SEPTIN7: variants seen among roughly 807,000 people sequenced by gnomAD.
SEPTIN7 encodes septin 7.
In SEPTIN7, 10 loss-of-function variants were observed where a neutral mutation model predicts 63.3. The ratio of observed to expected loss-of-function variants is 0.16; its 90% CI spans 0.10 to 0.27. SEPTIN7 has a LOEUF of 0.27. SEPTIN7 is among the 10% of genes least tolerant of loss of function. The pLI is 1.00. For missense variants in SEPTIN7, 310 were observed against 521.0 expected (o/e 0.59, Z 3.94); for synonymous variants, 131 against 165.3 (o/e 0.79, Z 1.59).
intron 1 of SEPTIN7, among the ~76,000 whole-genome samples, chr7:35,814,417 A>G (rs1459393912): frequency 6.6e-6 from 1 of 152,168 alleles, no homozygotes; most frequent in African/African-American, 2.4e-5. Flanking sequence ...TCTGTTTGTC[A>G]CCTTTGGTGG....
At chr7:35,847,332 C>A in intron 3 of SEPTIN7, 1 of 162,770 alleles carries the variant, frequency 6.1e-6, no homozygotes, top group Admixed American at 6.1e-5. Context: ...GCTTCAAGGG[C>A]CCCAGCATCC....
the SEPTIN7 span, among the ~76,000 whole-genome samples, chr7:35,915,133 A>G: frequency 1.5e-5 from 2 of 133,078 alleles, no homozygotes; most frequent in Non-Finnish European, 1.7e-5. Flanking sequence ...GTATATATAC[A>G]TGCATATACA....
intron 1 of SEPTIN7, among the ~76,000 whole-genome samples, chr7:35,801,738 C>T (rs1787995265): frequency 6.6e-6 from 1 of 151,822 alleles, no homozygotes; most frequent in Non-Finnish European, 1.5e-5. Flanking sequence ...AGGGTGGGGA[C>T]GAGTGTGAAC....
At chr7:35,817,690 A>G (rs1214707850) in intron 1 of SEPTIN7, among the ~76,000 whole-genome samples, 1 of 152,040 alleles carries the variant, frequency 6.6e-6, no homozygotes, top group East Asian at 1.9e-4. Flanking sequence ...TCTTCTGTTT[A>G]TTTAGGTCTT....
chr7:35,812,839 T>C (rs532734407), intron 1 of SEPTIN7, among the ~76,000 whole-genome samples: 17 of 152,338 alleles, frequency 1.1e-4, no homozygotes, highest in African/African-American at 4.1e-4. Flanking sequence ...ATGTCTATTA[T>C]TTATAGTATT....
At chr7:35,832,980 C>G in intron 3 of SEPTIN7, 80 bp downstream of exon 3, 2 of 810,530 alleles carry the variant, frequency 2.5e-6, no homozygotes, top group Non-Finnish European at 4.3e-6. Context: ...TTTAAGAAAA[C>G]ACTGGCACAG....
intron 8 of SEPTIN7, among the ~76,000 whole-genome samples, chr7:35,883,492 G>T (rs1013619176): frequency 3.3e-5 from 5 of 151,946 alleles, no homozygotes; most frequent in African/African-American, 1.2e-4. Flanking sequence ...CCTGGTTTAG[G>T]TACTGTTATA....
chr7:35,820,796 C>T (rs1789365730), intron 1 of SEPTIN7, among the ~76,000 whole-genome samples: 1 of 152,150 alleles, frequency 6.6e-6, no homozygotes, highest in Non-Finnish European at 1.5e-5. Flanking sequence ...GAATACTAGA[C>T]ATTTTAAATA....
chr7:35,908,133 A>G (rs1271024193), downstream of SEPTIN7, among the ~76,000 whole-genome samples: 1 of 152,198 alleles, frequency 6.6e-6, no homozygotes, highest in African/African-American at 2.4e-5. Flanking sequence ...GGAGTTATAA[A>G]ATACACCATT....
chr7:35,861,583 G>C (rs1429938146), intron 3 of SEPTIN7, among the ~76,000 whole-genome samples: 2 of 152,168 alleles, frequency 1.3e-5, no homozygotes, highest in African/African-American at 4.8e-5. Flanking sequence ...GCTTTTGAAT[G>C]TCTTAATTTC....
intron 11 of SEPTIN7, among the ~76,000 whole-genome samples, chr7:35,894,182 C>A (rs1043002531): frequency 5.6e-5 from 8 of 143,594 alleles, no homozygotes; most frequent in African/African-American, 2.0e-4. Context: ...CTCCTTTTTC[C>A]TTGATCTTCC....
downstream of SEPTIN7, among the ~76,000 whole-genome samples, chr7:35,911,526 T>C (rs1788741204): frequency 6.6e-6 from 1 of 152,244 alleles, no homozygotes; most frequent in Non-Finnish European, 1.5e-5. Context: ...ATGGAATCAT[T>C]ATTAATTGAT....
At position 35,816,190 on chromosome 7, in the gene SEPTIN7, C is replaced by T. The variant is rs191455072; in HGVS notation, c.61+14920C>T. ...TCACTGTCAACTTTTAGGACATTTT[C>T]ATCAGCCCCAAATGAAACTTTGCAG... On this transcript the variant is annotated intron_variant, in intron 1 of 13. Coordinates refer to ENST00000350320, the MANE Select transcript of SEPTIN7 (RefSeq NM_001788.6). Among the ~76,000 whole-genome samples the T allele has an allele frequency of 5.5e-3, 843 of 152,290 alleles. 4 individuals are homozygous for T. The highest frequency in any genetic ancestry group is 0.01 in the Admixed American group (153 of 15,296).
At chr7:35,914,384 G>A in the SEPTIN7 span, among the ~76,000 whole-genome samples, 2 of 152,118 alleles carry the variant, frequency 1.3e-5, no homozygotes, top group Admixed American at 6.6e-5. Flanking sequence ...GAATAAAACA[G>A]ATTACTCTCC....
intron 3 of SEPTIN7, among the ~76,000 whole-genome samples, chr7:35,834,105 T>C (rs1408578704): frequency 6.6e-6 from 1 of 151,974 alleles, no homozygotes; most frequent in African/African-American, 2.4e-5. Flanking sequence ...AGAGCATACC[T>C]TTTCTTCGGT....
intron 10 of SEPTIN7, 40 bp from the exon 11 acceptor site, chr7:35,890,628 C>T (rs1377560856): frequency 1.4e-6 from 2 of 1,391,850 alleles, no homozygotes; most frequent in Non-Finnish European, 1.9e-6. Flanking sequence ...TTCCCCCTAG[C>T]TATTAATAGA....
At chr7:35,879,789 T>TC in intron 6 of SEPTIN7, 34 bp from the exon 7 acceptor site, 1 of 1,170,382 alleles carries the variant, frequency 8.5e-7, no homozygotes, top group South Asian at 1.3e-5. Flanking sequence ...CCCAAACTGA[T>TC]CAATTCAGTC....
chr7:35,864,811 T>G (rs1785713495), intron 4 of SEPTIN7, among the ~76,000 whole-genome samples: 1 of 152,194 alleles, frequency 6.6e-6, no homozygotes, highest in Non-Finnish European at 1.5e-5. Context: ...CAGTTCTGGC[T>G]GGAGTTGGCT....
At chr7:35,869,462 T>C (rs911176058) in intron 4 of SEPTIN7, among the ~76,000 whole-genome samples, 1 of 152,196 alleles carries the variant, frequency 6.6e-6, no homozygotes, top group African/African-American at 2.4e-5. Flanking sequence ...CATTCCAATG[T>C]CTTCAGAGTT....
Sources: gnomAD v4.1 joint callset for allele counts (sites outside exome capture counted in the v4.1 genomes callset) on GRCh38, gnomAD v4.1.1 for gene constraint, MANE v1.5 for transcripts, NCBI Gene and HGNC (gene_info 2026-07-23, HGNC 2026-07-21) for gene names.